XKR4: variants seen among roughly 807,000 people sequenced by gnomAD.
XKR4 encodes XK related 4.
A neutral mutation model predicts 53.9 loss-of-function variants in XKR4; 12 were observed. The ratio of observed to expected loss-of-function variants is 0.22; its 90% CI spans 0.14 to 0.36. The LOEUF (loss-of-function observed/expected upper bound fraction) is 0.36, where lower values mean the gene tolerates loss of function less well. Among genes scored for constraint, XKR4 ranks in the 10% least tolerant of loss-of-function variants. The pLI, the probability that XKR4 is intolerant of heterozygous loss-of-function variation, is 1.00. For missense variants in XKR4, 799 were observed against 859.5 expected, an observed-to-expected ratio of 0.93 and a Z score of 0.88; for synonymous variants, 354 against 362.4, an observed-to-expected ratio of 0.98 and a Z score of 0.26.
At chr8:55,147,843 G>A (rs1247430559) in intron 1 of XKR4, among the ~76,000 whole-genome samples, 1 of 152,144 alleles carries the variant, frequency 6.6e-6, no homozygotes, top group Non-Finnish European at 1.5e-5. Flanking sequence ...AGAGAAAAAT[G>A]TAACCAGATG....
chr8:55,272,348 C>T (rs1211856741), intron 1 of XKR4, among the ~76,000 whole-genome samples: 2 of 152,120 alleles, frequency 1.3e-5, no homozygotes, highest in Non-Finnish European at 2.9e-5. Context: ...ATGGTGTGAG[C>T]AGCACCTTAA....
Position 55,509,067 on chromosome 8 carries a change from T to C in XKR4, c.1007-14214T>C, listed in dbSNP as rs151113971. 2.3e-3 allele frequency among the ~76,000 whole-genome samples: 345 copies of C among 152,368 alleles called. 1 individual carries two copies. The highest frequency in any genetic ancestry group is 7.9e-3 in the African/African-American group (329 of 41,590). Reference sequence around the variant, plus strand: ...TTAGTCACAAATACGAATCAAATAATATATGGATTGAAAAAGTTTACTTCT... The same window carrying C: ...TTAGTCACAAATACGAATCAAATAACATATGGATTGAAAAAGTTTACTTCT... On this transcript the variant is annotated intron_variant, in intron 2 of 2. Transcript: ENST00000327381.
At chr8:55,147,012 T>G (rs991408119) in intron 1 of XKR4, among the ~76,000 whole-genome samples, 4 of 152,222 alleles carry the variant, frequency 2.6e-5, no homozygotes, top group Non-Finnish European at 5.9e-5. Context: ...TGAAATGCTG[T>G]TTTTGAAAAT....
At chr8:55,346,722 T>TGTGTGTGTGTGTGC (rs1176163520) in intron 1 of XKR4, among the ~76,000 whole-genome samples, 4 of 148,532 alleles carry the variant, frequency 2.7e-5, no homozygotes, top group Non-Finnish European at 4.5e-5. Flanking sequence ...TGTGTGTGTG[T>TGTGTGTGTGTGTGC]GTGTTTAGAA....
intron 1 of XKR4, among the ~76,000 whole-genome samples, chr8:55,176,585 C>T (rs945291750): frequency 2.0e-5 from 3 of 152,150 alleles, no homozygotes; most frequent in East Asian, 1.9e-4. Flanking sequence ...GCACCAGACA[C>T]GCACAAGACA....
intron 1 of XKR4, among the ~76,000 whole-genome samples, chr8:55,188,977 T>C (rs936873555): frequency 1.3e-5 from 2 of 152,194 alleles, no homozygotes; most frequent in Non-Finnish European, 1.5e-5. Flanking sequence ...TGGTAGGTGA[T>C]AGGATTCACA....
chr8:55,161,271 C>T (rs530898956), intron 1 of XKR4, among the ~76,000 whole-genome samples: 1 of 152,302 alleles, frequency 6.6e-6, no homozygotes, highest in Non-Finnish European at 1.5e-5. Context: ...TCTGCTTTAA[C>T]AGACACAGTT....
intron 1 of XKR4, chr8:55,161,570 C>A: frequency 2.2e-6 from 1 of 456,312 alleles, no homozygotes; most frequent in Admixed American, 2.3e-5. Flanking sequence ...TCTGTCCGGT[C>A]CTAGACAAGT....
At chr8:55,441,831 ATTAC>A (rs1192740522) in intron 2 of XKR4, among the ~76,000 whole-genome samples, 1 of 152,184 alleles carries the variant, frequency 6.6e-6, no homozygotes, top group African/African-American at 2.4e-5. Context: ...ATGATATATT[ATTAC>A]TTATGAGGTA....
chr8:55,175,419 G>A (rs1016894712), intron 1 of XKR4, among the ~76,000 whole-genome samples: 1 of 152,174 alleles, frequency 6.6e-6, no homozygotes, highest in African/African-American at 2.4e-5. Flanking sequence ...TGATGCCCTG[G>A]TTAAGAGATG....
chr8:55,526,392 C>A lies in XKR4; in HGVS notation c.*2165C>A, dbSNP rs1806883106. 1 of 152,120 alleles carries A rather than the reference C, an allele frequency of 6.6e-6. No homozygotes were observed. The highest frequency in any genetic ancestry group is 1.5e-5 in the Non-Finnish European group (1 of 68,028). 9.4% of individuals were successfully genotyped at this position (152,120 alleles called of 1,614,324 possible). On this transcript the variant is annotated 3_prime_UTR_variant, in exon 3 of 3. Transcript: ENST00000327381. ...TAAGTAGACATACTTCCTAGTACTCCATGATTTGATCCTCCAAGCAAGATT... is the reference window on the plus strand; with the variant it reads ...TAAGTAGACATACTTCCTAGTACTCAATGATTTGATCCTCCAAGCAAGATT...
At chr8:55,251,881 A>G (rs1818366896) in intron 1 of XKR4, among the ~76,000 whole-genome samples, 2 of 152,236 alleles carry the variant, frequency 1.3e-5, no homozygotes, top group Admixed American at 1.3e-4. Context: ...TTCATTCTCA[A>G]GCCTGCCTTA....
chr8:55,152,455 TAAG>T (rs1158429420), intron 1 of XKR4, among the ~76,000 whole-genome samples: 1 of 148,212 alleles, frequency 6.7e-6, no homozygotes, highest in African/African-American at 2.6e-5. Context: ...AGGTAAAAAT[TAAG>T]AAAATAATGC....
At chr8:55,108,475 A>G (rs1455052901) in intron 1 of XKR4, among the ~76,000 whole-genome samples, 2 of 152,196 alleles carry the variant, frequency 1.3e-5, no homozygotes, top group African/African-American at 2.4e-5. Flanking sequence ...TCTGTCATTC[A>G]TGGAAATCTA....
In XKR4 at chr8:55,430,175, G is replaced by A. The variant is rs545374822; in HGVS notation, c.1006+72298G>A. On this transcript the variant is annotated intron_variant, in intron 2 of 2. Coordinates refer to ENST00000327381, the MANE Select transcript of XKR4 (RefSeq NM_052898.2). ...TGAGGATGCAGAGAAAATGAATTCC[G>A]CACCACCCCACACACATTGCTGATG... Among the ~76,000 whole-genome samples, 19 of 152,162 alleles carry A rather than the reference G, an allele frequency of 1.2e-4. No individual in the cohort carries two copies. The South Asian group carries it at 2.5e-3, about 20-fold the overall frequency.
chr8:55,323,595 T>C (rs937883323), intron 1 of XKR4, among the ~76,000 whole-genome samples: 1 of 152,262 alleles, frequency 6.6e-6, no homozygotes, highest in Admixed American at 6.5e-5. Flanking sequence ...ATTCACCAGT[T>C]AAAGGACATT....
rs116784679 is a variant in XKR4 at position 55,339,285 on chromosome 8, C to T, written c.807-18393C>T. 8.9e-3 allele frequency among the ~76,000 whole-genome samples: 1,359 copies of T among 152,276 alleles called. 8 individuals carry two copies. The highest frequency in any genetic ancestry group is 0.027 in the Middle Eastern group (8 of 294). On this transcript the variant is annotated intron_variant, in intron 1 of 2. Transcript: ENST00000327381. The stretch of plus-strand genomic sequence containing the variant: ...TCTCATTAGCTGTGGAAACTTTACA[C>T]GTGATCTAACCCCCCTACAGTGAAG...
chr8:55,475,354 G>C (rs1805962722), intron 2 of XKR4, among the ~76,000 whole-genome samples: 1 of 151,516 alleles, frequency 6.6e-6, no homozygotes, highest in African/African-American at 2.4e-5. Context: ...TCTTATTTCA[G>C]ACCAGCGATT....
At chr8:55,140,241 A>C (rs1446720994) in intron 1 of XKR4, 3 of 336,334 alleles carry the variant, frequency 8.9e-6, no homozygotes, top group African/African-American at 6.6e-5. Context: ...TTAGTTTCAA[A>C]TCATAGATTC....
Sources: gnomAD v4.1 joint callset for allele counts (sites outside exome capture counted in the v4.1 genomes callset) on GRCh38, gnomAD v4.1.1 for gene constraint, MANE v1.5 for transcripts, NCBI Gene and HGNC (gene_info 2026-07-23, HGNC 2026-07-21) for gene names.